The following TRIM14 variants were observed in gnomAD, a reference collection of about 807,000 sequenced individuals.
The protein encoded by TRIM14 is tripartite motif containing 14, also known as tripartite motif-containing protein 14.
Under a neutral mutation model 44.5 loss-of-function variants are expected in TRIM14, and 28 were observed. The ratio of observed to expected loss-of-function variants is 0.63; its 90% CI spans 0.47 to 0.86. The LOEUF is 0.86. Ranked by LOEUF, TRIM14 falls within the 40% of genes least tolerant of loss-of-function variation. The pLI is 0.00. For missense variants in TRIM14, 607 were observed against 611.1 expected (o/e 0.99, Z 0.07); for synonymous variants, 299 against 269.2 (o/e 1.11, Z -1.08).
the TRIM14 span, chr9:98,057,081 C>A: frequency 1.9e-5 from 23 of 1,209,042 alleles, no homozygotes; most frequent in Non-Finnish European, 2.6e-5. Context: ...TTTTCGGAAT[C>A]CTTCGGATCC....
Position 98,109,959 on chromosome 9 carries a change from T to A in TRIM14, c.233A>T (p.Gln78Leu), listed in dbSNP as rs1260529008. Residue 78 changes from glutamine (Q) to leucine (L), a missense_variant, in exon 2 of 6, where the codon CAG (glutamine) becomes CTG (leucine). This residue lies in a region of TRIM14 where 246 missense variants were observed against 270.8 expected (regional missense o/e 0.91). Coordinates refer to ENST00000341469, the MANE Select transcript of TRIM14 (RefSeq NM_014788.4). The stretch of plus-strand genomic sequence containing the variant: ...GTGCTGCTGCTTCTTGATTGCCAGC[T>A]GCTTTAAACATTCTTGGCTGAGTTT... ...VQKLSQECLK[Q>L]LAIKKQQHID... 6.2e-7 allele frequency: 1 copy of A among 1,614,162 alleles called. No homozygotes were observed. Among genetic ancestry groups the A allele is most frequent in the East Asian group, 2.2e-5 (1 of 44,882 alleles).
intron 6 of TRIM14, chr9:98,077,125 C>G (rs1829628597): frequency 1.1e-5 from 9 of 833,596 alleles, no homozygotes; most frequent in East Asian, 2.7e-5. Flanking sequence ...CAAATTTTAG[C>G]CTCTTTTCAT....
At chr9:98,071,977 TAGGG>T (rs2131638049) in intron 6 of TRIM14, among the ~76,000 whole-genome samples, 1 of 152,306 alleles carries the variant, frequency 6.6e-6, no homozygotes, top group African/African-American at 2.4e-5. Context: ...AGTTGGGTGA[TAGGG>T]AGGAGTCTGG....
At chr9:98,092,564 G>A in intron 4 of TRIM14, 1 of 311,258 alleles carries the variant, frequency 3.2e-6, no homozygotes, top group South Asian at 2.5e-5. Context: ...AGAGATCTGT[G>A]GGAAGCCCAC....
rs1442782671 is a variant in TRIM14 at position 98,087,700 on chromosome 9, A to G, written c.1099T>C (p.Tyr367His). The G allele has an allele frequency of 1.9e-6, 3 of 1,599,076 alleles. No individual in the cohort carries two copies. The East Asian group carries it at 6.7e-5, about 36-fold the overall frequency. Residue 367 changes from tyrosine (Y) to histidine (H), a missense_variant, in exon 6 of 6, where the codon TAC (tyrosine) becomes CAC (histidine). Around this residue, in one of 3 missense-constraint regions of TRIM14, gnomAD observed 356 missense variants for 323.0 expected, o/e 1.10. Transcript: ENST00000341469. ...CNRQSWCLKR[Y>H]DLEYWAFHDG... ...TGGAAGGCCCAGTACTCAAGGTCGT[A>G]GCGCTTGAGGCACCAGGACTGGCGG...
the TRIM14 span, among the ~76,000 whole-genome samples, chr9:98,050,418 A>C: frequency 6.6e-6 from 1 of 152,194 alleles, no homozygotes; most frequent in Non-Finnish European, 1.5e-5. Flanking sequence ...AGGTGGGAAC[A>C]AGGACTGAGT....
chr9:98,048,636 T>C, the TRIM14 span, among the ~76,000 whole-genome samples: 49,364 of 151,932 alleles, frequency 0.32, 10,700 homozygotes, highest in African/African-American at 0.61. Flanking sequence ...AAAATAAAGA[T>C]ATTTAGTCTA....
chr9:98,047,026 G>A, the TRIM14 span, among the ~76,000 whole-genome samples: 1 of 152,114 alleles, frequency 6.6e-6, no homozygotes, highest in Admixed American at 6.6e-5. Flanking sequence ...CAATGGGTGG[G>A]TGATATGGCT....
chr9:98,045,886 G>A, the TRIM14 span, among the ~76,000 whole-genome samples: 16 of 152,208 alleles, frequency 1.1e-4, no homozygotes, highest in East Asian at 3.1e-3. Context: ...TGTGCTTTGA[G>A]CTCTCCGAGT....
chr9:98,038,539 T>C, the TRIM14 span, among the ~76,000 whole-genome samples: 44 of 152,376 alleles, frequency 2.9e-4, no homozygotes, highest in African/African-American at 9.9e-4. Flanking sequence ...TGAAAATTTT[T>C]ATTTAGTCAC....
At position 98,087,704 on chromosome 9, in the gene TRIM14, C is replaced by T; in HGVS notation, c.1095G>A (p.Lys365=). The change falls in exon 6 of 6, where the codon AAG becomes AAA. Residue 365 remains lysine, a synonymous_variant. Transcript: ENST00000341469. ...LGCNRQSWCL[K]RYDLEYWAFH... ...AGGCCCAGTACTCAAGGTCGTAGCG[C>T]TTGAGGCACCAGGACTGGCGGTTGC... is the stretch of plus-strand genomic sequence containing the variant. 2 of 1,598,426 alleles carry T rather than the reference C, an allele frequency of 1.3e-6. No individual in the cohort carries two copies. Among genetic ancestry groups the T allele is most frequent in the Non-Finnish European group, 1.7e-6 (2 of 1,178,154 alleles).
chr9:98,081,183 T>C, downstream of TRIM14: 1 of 1,489,358 alleles, frequency 6.7e-7, no homozygotes, highest in Non-Finnish European at 9.1e-7. Context: ...TGAGCCAGGC[T>C]GATGAAATGA....
chr9:98,087,764 C>T lies in TRIM14; in HGVS notation c.1035G>A (p.Arg345=). Residue 345 remains arginine, a synonymous_variant, in exon 6 of 6, where the codon CGG becomes CGA. Transcript: ENST00000341469. The stretch of plus-strand genomic sequence containing the variant: ...GGGCGGCGGCCGAGGCCCCGCGGCG[C>T]CGAAGGGAGGCGTAGGCCGCGCCCA... The part of the protein sequence containing the change: ...WWVGAAYASL[R]RRGASAAARL... The T allele has an allele frequency of 6.5e-7, 1 of 1,533,734 alleles. No homozygotes were observed. Among genetic ancestry groups the T allele is most frequent in the Non-Finnish European group, 8.7e-7 (1 of 1,150,766 alleles).
the TRIM14 span, among the ~76,000 whole-genome samples, chr9:98,062,064 A>G: frequency 6.6e-6 from 1 of 151,418 alleles, no homozygotes; most frequent in African/African-American, 2.4e-5. Flanking sequence ...TCTACAAAAA[A>G]CACAAAAATT....
chr9:98,082,896 A>G (rs1220930964), downstream of TRIM14: 1 of 1,614,206 alleles, frequency 6.2e-7, no homozygotes, highest in South Asian at 1.1e-5. Flanking sequence ...GCACCATTCT[A>G]ACAATGGACA....
intron 1 of TRIM14, 138 bp from the exon 2 acceptor site, chr9:98,110,122 T>C: frequency 3.0e-6 from 2 of 660,564 alleles, no homozygotes; most frequent in Non-Finnish European, 2.7e-6. Context: ...TTGCCCAAAG[T>C]CATATGGCAA....
chr9:98,091,954 AGGTACCT>A lies in TRIM14; in HGVS notation c.741_747del (p.Gly248CysfsTer2). 6.2e-7 allele frequency: 1 copy of A among 1,610,816 alleles called. No homozygotes were observed. Among genetic ancestry groups the A allele is most frequent in the Non-Finnish European group, 8.5e-7 (1 of 1,177,670 alleles). ...TCTGGTGAGGGGCTGGTTTTCAACA[AGGTACCT>A]GGCTTGGTGCTGGAAGGGTCTGAGA... On this transcript the variant is annotated frameshift_variant, in exon 5 of 6. Coordinates refer to ENST00000341469, the MANE Select transcript of TRIM14 (RefSeq NM_014788.4). LOFTEE classifies it high-confidence loss of function.
Position 98,091,907 on chromosome 9 carries a change from AC to A in TRIM14, c.793+1del, listed in dbSNP as rs752599993. On this transcript the variant is annotated splice_donor_variant, in intron 5 of 5. Coordinates refer to ENST00000341469, the MANE Select transcript of TRIM14 (RefSeq NM_014788.4). LOFTEE classifies it high-confidence loss of function. ...CCCTATCCCCACTCCCGGGGGTCTT[AC>A]ATTTCAGCAATAGCGATCGCTCTGG... 6.3e-7 allele frequency: 1 copy of A among 1,588,720 alleles called. No homozygotes were observed. The highest frequency in any genetic ancestry group is 8.6e-7 in the Non-Finnish European group (1 of 1,164,390).
chr9:98,080,516 T>C (rs149857719), downstream of TRIM14, among the ~76,000 whole-genome samples: 1 of 152,386 alleles, frequency 6.6e-6, no homozygotes, highest in Non-Finnish European at 1.5e-5. Context: ...TTTATAGTTC[T>C]GTTGTTACTC....
Sources: gnomAD v4.1 joint callset for allele counts (sites outside exome capture counted in the v4.1 genomes callset) on GRCh38, gnomAD v4.1.1 for gene constraint, gnomAD v4.1.1 regional missense constraint, MANE v1.5 for transcripts, NCBI Gene and HGNC (gene_info 2026-07-23, HGNC 2026-07-21) for gene names.